Variants in MEGF6 observed in about 807,000 individuals in gnomAD.
The protein encoded by MEGF6 is multiple epidermal growth factor-like domains protein 6.
MEGF6 carries 184 observed loss-of-function variants against 207.1 expected under a neutral mutation model. That is an observed-to-expected ratio of 0.89 (90% CI 0.79 to 1.00). The LOEUF (loss-of-function observed/expected upper bound fraction) is 1.00. Among genes scored for constraint, MEGF6 ranks in the 50% least tolerant of loss-of-function variants. The probability of loss-of-function intolerance (pLI) is 0.00; values close to 1 mark genes in which losing one functional copy is unlikely to be tolerated. For missense variants in MEGF6, 2,282 were observed against 2,202.9 expected (o/e 1.04, Z -0.72); for synonymous variants, 1,038 against 910.0 (o/e 1.14, Z -2.53).
At chr1:3,496,559 A>G in intron 29 of MEGF6, 96 bp downstream of exon 29, 1 of 1,513,458 alleles carries the variant, frequency 6.6e-7, no homozygotes. Flanking sequence ...AAGGGCAGGG[A>G]GGTGGGCAGT....
Position 3,495,931 on chromosome 1 carries a change from C to T in MEGF6, c.3830G>A (p.Cys1277Tyr). 1.3e-6 allele frequency: 2 copies of T among 1,596,424 alleles called. No homozygotes were observed. The highest frequency in any genetic ancestry group is 1.1e-5 in the South Asian group (1 of 90,436). ...GAACDPVTGT[C>Y]LCPPGRAGVR... ...GCCGGCTCTCCCCGGGGGGCAGAGG[C>T]AGGTGCCGGTCACAGGGTCGCAGGC... The change falls in exon 30 of 37, where the codon TGC becomes TAC. Residue 1277 changes from cysteine to tyrosine, a missense_variant. Coordinates refer to ENST00000356575, the MANE Select transcript of MEGF6 (RefSeq NM_001409.4).
At chr1:3,613,209 A>C (rs1208857984), upstream of MEGF6, among the ~76,000 whole-genome samples, 1 of 151,734 alleles carries the variant, frequency 6.6e-6, no homozygotes, top group African/African-American at 2.4e-5. Context: ...ACCCACCCCC[A>C]CTGACCACCC....
chr1:3,509,162 GCTCGT>G lies in MEGF6; in HGVS notation c.1436_1440del (p.Asp479AlafsTer8), dbSNP rs1324379410. Reference sequence around the variant, plus strand: ...TCGTCATCCTGGAAGAGTTGCGGCAGCTCGTCCTGGAGCACGGCAATGTGGGGCAG... The same window carrying G: ...TCGTCATCCTGGAAGAGTTGCGGCAGCCTGGAGCACGGCAATGTGGGGCAG... On this transcript the variant is annotated frameshift_variant, in exon 12 of 37. Transcript: ENST00000356575. LOFTEE classifies it high-confidence loss of function. 3.2e-6 allele frequency: 5 copies of G among 1,583,980 alleles called. No homozygotes were observed. In the Admixed American group the frequency reaches 7.1e-5, roughly 22 times the overall value.
chr1:3,517,597 C>G (rs1641592541), intron 5 of MEGF6, among the ~76,000 whole-genome samples: 1 of 152,232 alleles, frequency 6.6e-6, no homozygotes. Flanking sequence ...GTGGCCAGTG[C>G]CCAGCACTGC....
chr1:3,565,590 G>T lies in MEGF6; in HGVS notation c.481+14235C>A, dbSNP rs1643322038. Reference sequence around the variant, plus strand: ...GGCCTGGCCCTGGACGGTCCCCATGGTAGGACCTGGGGCACAGCACCAGGG... The same window carrying T: ...GGCCTGGCCCTGGACGGTCCCCATGTTAGGACCTGGGGCACAGCACCAGGG... On this transcript the variant is annotated intron_variant, in intron 4 of 36. Transcript: ENST00000356575. The surrounding 1 kb of genome is among the most constrained non-coding windows in gnomAD (Gnocchi z 4.8). Among the ~76,000 whole-genome samples, 1 of 152,162 alleles carries T rather than the reference G, an allele frequency of 6.6e-6. No individual in the cohort carries two copies. Among genetic ancestry groups the T allele is most frequent in the South Asian group, 2.1e-4 (1 of 4,832 alleles).
intron 1 of MEGF6, among the ~76,000 whole-genome samples, chr1:3,610,564 C>A (rs559886018): frequency 6.6e-6 from 1 of 152,264 alleles, no homozygotes. Context: ...TGAGAGACCG[C>A]TAAACGGCCC....
intron 5 of MEGF6, among the ~76,000 whole-genome samples, chr1:3,519,685 C>T (rs947217049): frequency 1.3e-5 from 2 of 152,348 alleles, no homozygotes; most frequent in African/African-American, 2.4e-5. Context: ...CACCAGGCGG[C>T]GGTCAGAGGG....
chr1:3,493,793 G>A lies in MEGF6; in HGVS notation c.4365C>T (p.Arg1455=). 1 of 1,612,050 alleles carries A rather than the reference G, an allele frequency of 6.2e-7. No homozygotes were observed. Among genetic ancestry groups the A allele is most frequent in the Non-Finnish European group, 8.5e-7 (1 of 1,179,590 alleles). The part of the protein sequence containing the change: ...VTGLCLCPPG[R]SGATCNLDCR... ...CACCCAGGTTACAGGTGGCTCCTGA[G>A]CGCCCTGGTGGGCAAAGGCAGAGAC... Residue 1455 remains arginine (R), a synonymous_variant, in exon 34 of 37, where the codon CGC becomes CGT. Coordinates refer to ENST00000356575, the MANE Select transcript of MEGF6 (RefSeq NM_001409.4).
chr1:3,504,481 T>C (rs1288897844), intron 17 of MEGF6, among the ~76,000 whole-genome samples: 3 of 151,956 alleles, frequency 2.0e-5, no homozygotes, highest in African/African-American at 7.3e-5. Context: ...ACCGTTGTCC[T>C]GGTTATTGCA....
chr1:3,511,770 G>A, intron 8 of MEGF6, 83 bp from the exon 9 acceptor site: 1 of 1,545,416 alleles, frequency 6.5e-7, no homozygotes, highest in Non-Finnish European at 8.8e-7. Context: ...CCTCCACCCA[G>A]CAGCCAGCCT....
intron 4 of MEGF6, among the ~76,000 whole-genome samples, chr1:3,553,606 C>T (rs1642951760): frequency 2.0e-5 from 3 of 152,214 alleles, no homozygotes; most frequent in Admixed American, 2.0e-4. Flanking sequence ...GAGGCCCTGC[C>T]TGCCCGGGAG....
chr1:3,579,040 G>A (rs776813835), intron 4 of MEGF6, among the ~76,000 whole-genome samples: 15 of 152,268 alleles, frequency 9.9e-5, no homozygotes, highest in Admixed American at 5.2e-4. Flanking sequence ...TGCCTGGCAT[G>A]GAGCCCCGGT....
intron 4 of MEGF6, among the ~76,000 whole-genome samples, chr1:3,558,898 G>T (rs868837612): frequency 6.6e-6 from 1 of 152,030 alleles, no homozygotes; most frequent in South Asian, 2.1e-4. Context: ...GCATAATGGG[G>T]TGCCTGTGGT....
chr1:3,592,441 A>C (rs1643994891), intron 3 of MEGF6, among the ~76,000 whole-genome samples: 1 of 148,954 alleles, frequency 6.7e-6, no homozygotes, highest in African/African-American at 2.5e-5. Flanking sequence ...GCTCATCCTC[A>C]CTCCTGCAGG....
chr1:3,604,654 A>C (rs1212214179), intron 1 of MEGF6, among the ~76,000 whole-genome samples: 1 of 152,048 alleles, frequency 6.6e-6, no homozygotes, highest in East Asian at 1.9e-4. Context: ...TCCTTTCCTG[A>C]CATTACATCA....
intron 4 of MEGF6, among the ~76,000 whole-genome samples, chr1:3,544,319 T>C (rs1416755716): frequency 6.6e-6 from 1 of 150,950 alleles, no homozygotes; most frequent in East Asian, 1.9e-4. Context: ...CCCACAGACC[T>C]GAACAGGGGC....
At position 3,505,188 on chromosome 1, in the gene MEGF6, C is replaced by T. The variant is rs1444716412; in HGVS notation, c.2188+20G>A. ...ACCCCACAATGAGACTGCCGGGAGC[C>T]CCAGGGGCCGGCCACTCACCTTGGC... is the stretch of plus-strand genomic sequence containing the variant. On this transcript the variant is annotated intron_variant, in intron 17 of 36. Coordinates refer to ENST00000356575, the MANE Select transcript of MEGF6 (RefSeq NM_001409.4). 59 of 1,608,746 alleles carry T rather than the reference C, an allele frequency of 3.7e-5. 1 individual carries two copies. The Admixed American group carries it at 9.9e-4, about 27-fold the overall frequency.
chr1:3,528,983 G>A (rs1335180891), intron 4 of MEGF6, among the ~76,000 whole-genome samples: 3 of 152,070 alleles, frequency 2.0e-5, no homozygotes, highest in Non-Finnish European at 4.4e-5. Context: ...ACAGACACTC[G>A]GACCATCTGG....
intron 13 of MEGF6, among the ~76,000 whole-genome samples, chr1:3,508,190 C>T (rs1641190825): frequency 6.6e-6 from 1 of 152,192 alleles, no homozygotes; most frequent in Non-Finnish European, 1.5e-5. Context: ...TATGACGGGT[C>T]CCTGGCCATC....
Sources: gnomAD v4.1 joint callset for allele counts (sites outside exome capture counted in the v4.1 genomes callset) on GRCh38, gnomAD v4.1.1 for gene constraint, Gnocchi (gnomAD v3.1) non-coding constraint, MANE v1.5 for transcripts, NCBI Gene and HGNC (gene_info 2026-07-23, HGNC 2026-07-21) for gene names.